The following COL8A1 variants were observed in gnomAD, a reference collection of about 807,000 sequenced individuals.
COL8A1 encodes the protein collagen alpha-1(VIII) chain.
Under a neutral mutation model 42.7 loss-of-function variants are expected in COL8A1, and 21 were observed. That is an observed-to-expected ratio of 0.49 (90% CI 0.35 to 0.71). COL8A1 has a LOEUF of 0.71. Among genes scored for constraint, COL8A1 ranks in the 30% least tolerant of loss-of-function variants. The probability of loss-of-function intolerance (pLI) is 0.01; values close to 1 mark genes in which losing one functional copy is unlikely to be tolerated. For synonymous variants in COL8A1, 367 were observed against 369.1 expected (o/e 0.99, Z 0.06); for missense variants, 788 against 962.4 (o/e 0.82, Z 2.40).
chr3:99,668,533 GC>G (rs1938434262), intron 1 of COL8A1, among the ~76,000 whole-genome samples: 1 of 151,942 alleles, frequency 6.6e-6, no homozygotes, highest in African/African-American at 2.4e-5. Context: ...AAAACATAAT[GC>G]CATTTCACAT....
chr3:99,770,273 T>C (rs1362325414), intron 2 of COL8A1, among the ~76,000 whole-genome samples: 1 of 152,190 alleles, frequency 6.6e-6, no homozygotes, highest in African/African-American at 2.4e-5. Context: ...CAGGCTCATT[T>C]CAGGAGAGAA....
intron 1 of COL8A1, among the ~76,000 whole-genome samples, chr3:99,701,180 T>C (rs1247117360): frequency 1.3e-5 from 2 of 152,220 alleles, no homozygotes; most frequent in East Asian, 1.9e-4. Context: ...ATTTTTAGTT[T>C]AGTCTATTAA....
intron 1 of COL8A1, among the ~76,000 whole-genome samples, chr3:99,725,432 T>C (rs79434540): frequency 0.026 from 3,989 of 152,116 alleles, 164 homozygotes; most frequent in African/African-American, 0.088. Flanking sequence ...TATTATTATA[T>C]ACTTTAAGTT....
Position 99,771,378 on chromosome 3 carries a change from T to G in COL8A1, c.-3-19302T>G, listed in dbSNP as rs79125894. On this transcript the variant is annotated intron_variant, in intron 2 of 3. Coordinates refer to ENST00000652472, the MANE Select transcript of COL8A1 (RefSeq NM_020351.4). ...TGAACAATTGCAAATTAAAATATACTAATTCTAACTAGAAGTTTAATTTTA... is the reference window on the plus strand; with the variant it reads ...TGAACAATTGCAAATTAAAATATACGAATTCTAACTAGAAGTTTAATTTTA... 5.8e-4 allele frequency among the ~76,000 whole-genome samples: 88 copies of G among 152,344 alleles called. No homozygotes were observed. The East Asian group carries it at 0.015, about 25-fold the overall frequency.
In COL8A1 at chr3:99,799,186, T is replaced by C. The variant is rs775453621; in HGVS notation, c.*3050T>C. The C allele has an allele frequency of 6.6e-6, 1 of 152,246 alleles. No homozygotes were observed. The highest frequency in any genetic ancestry group is 1.5e-5 in the Non-Finnish European group (1 of 68,034). The allele number at this position is 152,246 out of a possible 1,614,324, so 9.4% of individuals were successfully genotyped here. On this transcript the variant is annotated 3_prime_UTR_variant, in exon 4 of 4. Coordinates refer to ENST00000652472, the MANE Select transcript of COL8A1 (RefSeq NM_020351.4). ...TTTGTATTTAAATTTTTGTACTGAT[T>C]TGAAAAACATCATTAAATATCTTTA...
intron 1 of COL8A1, among the ~76,000 whole-genome samples, chr3:99,656,251 C>A (rs1006353638): frequency 1.3e-5 from 2 of 152,104 alleles, no homozygotes; most frequent in African/African-American, 4.8e-5. Flanking sequence ...TGTGTCTATG[C>A]AAACACACAT....
At chr3:99,681,551 A>G (rs577788872) in intron 1 of COL8A1, among the ~76,000 whole-genome samples, 1 of 152,298 alleles carries the variant, frequency 6.6e-6, no homozygotes, top group African/African-American at 2.4e-5. Flanking sequence ...AGAAACAAAA[A>G]CTATGAAGTG....
chr3:99,688,417 G>T lies in COL8A1; in HGVS notation c.-129+49753G>T, dbSNP rs370167763. 1.2e-4 allele frequency among the ~76,000 whole-genome samples: 18 copies of T among 152,052 alleles called. No homozygotes were observed. The East Asian group carries it at 3.1e-3, about 26-fold the overall frequency. Reference sequence around the variant, plus strand: ...TGGACTCTTCTTCCAACTTCAGAGCGCATCGTTCCAACCTCTGCTTTCGGC... The same window carrying T: ...TGGACTCTTCTTCCAACTTCAGAGCTCATCGTTCCAACCTCTGCTTTCGGC... On this transcript the variant is annotated intron_variant, in intron 1 of 3. Coordinates refer to ENST00000652472, the MANE Select transcript of COL8A1 (RefSeq NM_020351.4).
At chr3:99,660,648 A>G (rs1938176406) in intron 1 of COL8A1, among the ~76,000 whole-genome samples, 1 of 152,214 alleles carries the variant, frequency 6.6e-6, no homozygotes, top group African/African-American at 2.4e-5. Context: ...GGACTTATTT[A>G]CACATTTATA....
intron 2 of COL8A1, among the ~76,000 whole-genome samples, chr3:99,786,753 C>A (rs1941903995): frequency 6.6e-6 from 1 of 152,172 alleles, no homozygotes; most frequent in South Asian, 2.1e-4. Flanking sequence ...CAGAACATTT[C>A]CTGTTCTGAG....
chr3:99,647,529 A>C (rs549478192), intron 1 of COL8A1, among the ~76,000 whole-genome samples: 2 of 152,052 alleles, frequency 1.3e-5, no homozygotes, highest in African/African-American at 4.8e-5. Flanking sequence ...CTACCCAAAA[A>C]ATCTTTAGAA....
intron 2 of COL8A1, among the ~76,000 whole-genome samples, chr3:99,756,123 C>G (rs1360569191): frequency 6.6e-6 from 1 of 151,476 alleles, no homozygotes; most frequent in Non-Finnish European, 1.5e-5. Flanking sequence ...GAAGAGATAT[C>G]GAGAATGTCT....
chr3:99,751,221 C>T (rs62283493), intron 2 of COL8A1, among the ~76,000 whole-genome samples: 1 of 152,028 alleles, frequency 6.6e-6, no homozygotes, highest in Non-Finnish European at 1.5e-5. Context: ...ATTACCTCCT[C>T]CAATGCCAAT....
chr3:99,681,262 G>A (rs1938872074), intron 1 of COL8A1, among the ~76,000 whole-genome samples: 1 of 152,092 alleles, frequency 6.6e-6, no homozygotes, highest in African/African-American at 2.4e-5. Flanking sequence ...CTAATATCCA[G>A]AATCTGCAAA....
chr3:99,665,673 CTTTTTTTTTTTT>C (rs67004417), intron 1 of COL8A1, among the ~76,000 whole-genome samples: 2 of 70,222 alleles, frequency 2.8e-5, no homozygotes, highest in Non-Finnish European at 5.2e-5. Context: ...TGAATTAATT[CTTTTTTTTTTTT>C]TTTTTTTTTT....
intron 1 of COL8A1, among the ~76,000 whole-genome samples, chr3:99,705,444 G>T (rs1333573968): frequency 6.6e-6 from 1 of 152,152 alleles, no homozygotes; most frequent in Non-Finnish European, 1.5e-5. Context: ...GAATTTACAT[G>T]CTGCCTTCAC....
intron 1 of COL8A1, among the ~76,000 whole-genome samples, chr3:99,721,916 A>C (rs1046438628): frequency 6.6e-6 from 1 of 151,954 alleles, no homozygotes; most frequent in African/African-American, 2.4e-5. Flanking sequence ...GATGTGGCTA[A>C]CTGTGATGTG....
intron 1 of COL8A1, among the ~76,000 whole-genome samples, chr3:99,688,837 A>G (rs1010709793): frequency 6.6e-6 from 1 of 152,146 alleles, no homozygotes; most frequent in Non-Finnish European, 1.5e-5. Flanking sequence ...CCTCAGCACT[A>G]TTGAAATTTG....
chr3:99,708,414 CA>C (rs553124633), intron 1 of COL8A1, among the ~76,000 whole-genome samples: 499 of 152,268 alleles, frequency 3.3e-3, no homozygotes, highest in Middle Eastern at 6.8e-3. Context: ...TGCTCCACAT[CA>C]AAAGCTAAGA....
Sources: allele counts gnomAD v4.1 joint callset (sites outside exome capture counted in the v4.1 genomes callset), GRCh38; gene constraint gnomAD v4.1.1; transcripts MANE v1.5; gene names NCBI Gene and HGNC (gene_info 2026-07-23, HGNC 2026-07-21).